The following GDAP1L1 variants were observed in gnomAD, a reference collection of about 807,000 sequenced individuals.
GDAP1L1 encodes ganglioside induced differentiation associated protein 1 like 1.
In GDAP1L1, 21 loss-of-function variants were observed where a neutral mutation model predicts 37.1. The ratio of observed to expected loss-of-function variants is 0.57; its 90% confidence interval spans 0.40 to 0.81. GDAP1L1 has a LOEUF of 0.81. Among genes scored for constraint, GDAP1L1 ranks in the 40% least tolerant of loss-of-function variants. GDAP1L1 has a pLI of 0.00. For missense variants in GDAP1L1, 362 were observed against 491.6 expected (o/e 0.74, Z 2.49); for synonymous variants, 193 against 209.1 (o/e 0.92, Z 0.67).
rs1338033574 is a variant in GDAP1L1 at position 44,264,473 on chromosome 20, G to C, written c.674G>C (p.Ser225Thr). ...MAKILEHDDV[S>T]YLKKILGELA... The stretch of plus-strand genomic sequence containing the variant: ...AAGATCTTGGAGCATGATGATGTGA[G>C]CTACCTGAAGAAGATCCTCGGGGAA... Residue 225 changes from serine to threonine, a missense_variant, in exon 5 of 6, where the codon AGC becomes ACC. Physicochemically the swap from Ser to Thr is moderately conservative, Grantham distance 58 (BLOSUM62 1). Transcript: ENST00000342560. 6.5e-7 allele frequency: 1 copy of C among 1,528,300 alleles called. No homozygotes were observed. The highest frequency in any genetic ancestry group is 8.8e-7 in the Non-Finnish European group (1 of 1,137,518). The allele number at this position is 1,528,300 out of a possible 1,614,324, so 94.7% of individuals were successfully genotyped here. A position where few individuals can be genotyped will look rare whatever the true frequency, so the allele number is the denominator to read the frequency against.
chr20:44,274,279 T>C (rs2062550573), intron 5 of GDAP1L1, among the ~76,000 whole-genome samples: 1 of 152,194 alleles, frequency 6.6e-6, no homozygotes. Flanking sequence ...TTCCCTTCTC[T>C]GTGGCATCAT....
At chr20:44,267,743 A>G (rs1483983750) in intron 5 of GDAP1L1, among the ~76,000 whole-genome samples, 1 of 152,204 alleles carries the variant, frequency 6.6e-6, no homozygotes, top group South Asian at 2.1e-4. Flanking sequence ...AGAAGTGTTC[A>G]TATACATTGT....
intron 5 of GDAP1L1, among the ~76,000 whole-genome samples, chr20:44,277,394 G>T (rs1385142773): frequency 6.6e-6 from 1 of 152,222 alleles, no homozygotes; most frequent in Non-Finnish European, 1.5e-5. Context: ...GGGGAACAGC[G>T]AGGGCAAAGG....
chr20:44,273,625 C>A (rs1326358452), intron 5 of GDAP1L1, among the ~76,000 whole-genome samples: 4 of 152,180 alleles, frequency 2.6e-5, no homozygotes, highest in Admixed American at 2.6e-4. Context: ...AGCGCCTTCA[C>A]CTGTGAAGCT....
chr20:44,258,066 G>C (rs2073595680), intron 2 of GDAP1L1: 2 of 676,760 alleles, frequency 3.0e-6, no homozygotes, highest in Admixed American at 2.1e-5. Flanking sequence ...GAGGGCATCA[G>C]GGCCCAGACA....
At chr20:44,253,854 C>G (rs567561891) in intron 1 of GDAP1L1, among the ~76,000 whole-genome samples, 24 of 152,360 alleles carry the variant, frequency 1.6e-4, no homozygotes, top group African/African-American at 5.8e-4. Flanking sequence ...GATTATCATG[C>G]CTCTAAAGAT....
chr20:44,251,219 C>T (rs1209550714), intron 1 of GDAP1L1, among the ~76,000 whole-genome samples: 1 of 152,210 alleles, frequency 6.6e-6, no homozygotes, highest in African/African-American at 2.4e-5. Flanking sequence ...ACAATAGTGC[C>T]TGGCACAGAG....
chr20:44,270,614 G>A (rs1271901652), intron 5 of GDAP1L1, among the ~76,000 whole-genome samples: 1 of 152,218 alleles, frequency 6.6e-6, no homozygotes, highest in East Asian at 1.9e-4. Flanking sequence ...ATGATTTGAA[G>A]GCTTGACTGG....
At chr20:44,274,680 T>A (rs937300804) in intron 5 of GDAP1L1, among the ~76,000 whole-genome samples, 1 of 152,122 alleles carries the variant, frequency 6.6e-6, no homozygotes, top group Non-Finnish European at 1.5e-5. Context: ...TCTTTGCTGG[T>A]TTCTCTTGGT....
chr20:44,248,319 G>T (rs994182539), intron 1 of GDAP1L1, among the ~76,000 whole-genome samples: 2 of 152,240 alleles, frequency 1.3e-5, no homozygotes, highest in Admixed American at 1.3e-4. Context: ...CACCCTGGGC[G>T]GTTGTCCCGT....
At chr20:44,275,575 A>C (rs1198270265) in intron 5 of GDAP1L1, among the ~76,000 whole-genome samples, 1 of 152,176 alleles carries the variant, frequency 6.6e-6, no homozygotes, top group African/African-American at 2.4e-5. Context: ...CGGAGGCTGA[A>C]GTGGCAGCTT....
In GDAP1L1 at chr20:44,265,279, G is replaced by T. The variant is rs887506973; in HGVS notation, c.760+720G>T. 4 of 985,066 alleles carry T rather than the reference G, an allele frequency of 4.1e-6. No individual in the cohort carries two copies. In the African/African-American group the frequency reaches 7.0e-5, roughly 17 times the overall value. 61.0% of individuals were successfully genotyped at this position (985,066 alleles called of 1,614,324 possible). A position where few individuals can be genotyped will look rare whatever the true frequency, so the allele number is the denominator to read the frequency against. ...CTACCTCCATGCTTTTGCTCCCACAGCCCCTCCCTCCTGGAGCACCCTTCC... is the reference window on the plus strand; with the variant it reads ...CTACCTCCATGCTTTTGCTCCCACATCCCCTCCCTCCTGGAGCACCCTTCC... On this transcript the variant is annotated intron_variant, in intron 5 of 5. Transcript: ENST00000342560.
chr20:44,271,144 G>C (rs1343599310), intron 5 of GDAP1L1, among the ~76,000 whole-genome samples: 2 of 152,122 alleles, frequency 1.3e-5, no homozygotes, highest in Admixed American at 1.3e-4. Context: ...CATGCCTGTA[G>C]ACCCAGCTAC....
At chr20:44,263,701 G>A (rs149877029) in intron 4 of GDAP1L1, among the ~76,000 whole-genome samples, 10 of 152,194 alleles carry the variant, frequency 6.6e-5, no homozygotes, top group East Asian at 5.8e-4. Context: ...AAAATTAGCC[G>A]GGCATCATGG....
intron 1 of GDAP1L1, among the ~76,000 whole-genome samples, chr20:44,255,617 G>C (rs1027132796): frequency 7.1e-6 from 1 of 141,476 alleles, no homozygotes; most frequent in Non-Finnish European, 1.5e-5. Context: ...TAAGTGTAAA[G>C]CTGGGATTTG....
intron 1 of GDAP1L1, among the ~76,000 whole-genome samples, chr20:44,255,525 G>C (rs1160480531): frequency 1.8e-5 from 2 of 112,962 alleles, no homozygotes; most frequent in Non-Finnish European, 3.3e-5. Flanking sequence ...CTGAGCAACA[G>C]AGCGAGACTC....
intron 3 of GDAP1L1, among the ~76,000 whole-genome samples, chr20:44,261,707 T>A (rs76795054): frequency 0.01 from 1,585 of 152,278 alleles, 28 homozygotes; most frequent in African/African-American, 0.036. Flanking sequence ...ACAGCAAGGT[T>A]AATGGAGTTG....
chr20:44,252,380 C>T (rs1040216995), intron 1 of GDAP1L1, among the ~76,000 whole-genome samples: 2 of 152,226 alleles, frequency 1.3e-5, no homozygotes, highest in Non-Finnish European at 2.9e-5. Context: ...TGGCTCGCGC[C>T]TGTAATCCCA....
At chr20:44,250,666 G>A (rs1447444455) in intron 1 of GDAP1L1, among the ~76,000 whole-genome samples, 1 of 152,192 alleles carries the variant, frequency 6.6e-6, no homozygotes, top group African/African-American at 2.4e-5. Context: ...TTAAACAATT[G>A]CCTGTTAAGA....
Sources: allele counts gnomAD v4.1 joint callset (sites outside exome capture counted in the v4.1 genomes callset), GRCh38; gene constraint gnomAD v4.1.1; transcripts MANE v1.5; gene names NCBI Gene and HGNC (gene_info 2026-07-23, HGNC 2026-07-21).